The following DNAH6 variants were observed in gnomAD, a reference collection of about 807,000 sequenced individuals.
The protein encoded by DNAH6 is dynein axonemal heavy chain 6, also known as axonemal beta dynein heavy chain 6.
DNAH6 carries 340 observed loss-of-function variants against 491.4 expected under a neutral mutation model. The observed-to-expected ratio is 0.69, with a 90% CI of 0.63 to 0.76. The LOEUF (loss-of-function observed/expected upper bound fraction) is 0.76. Ranked by LOEUF, DNAH6 falls within the 30% of genes least tolerant of loss-of-function variation. The pLI, the probability that DNAH6 is intolerant of heterozygous loss-of-function variation, is 0.00. For missense variants in DNAH6, 4,443 were observed against 4,972.2 expected (o/e 0.89, Z 3.20); for synonymous variants, 1,603 against 1,686.1 (o/e 0.95, Z 1.21).
rs112896931 is a variant in DNAH6 at position 84,682,567 on chromosome 2, C to A, written c.6916+1039C>A. Among the ~76,000 whole-genome samples, 806 of 152,244 alleles carry A rather than the reference C, an allele frequency of 5.3e-3. 5 individuals are homozygous for A. Among genetic ancestry groups the A allele is most frequent in the African/African-American group, 0.018 (738 of 41,538 alleles). ...TTCTCAGTGTGCACCCTCAGGCATC[C>A]AGCTGGCCTGCTAAACTTGGCATGT... On this transcript the variant is annotated intron_variant, in intron 42 of 76. Coordinates refer to ENST00000389394, the MANE Select transcript of DNAH6 (RefSeq NM_001370.2).
intron 61 of DNAH6, 43 bp downstream of exon 61, chr2:84,727,945 G>A (rs142869142): frequency 1.6e-6 from 2 of 1,260,070 alleles, no homozygotes; most frequent in Non-Finnish European, 2.3e-6. Flanking sequence ...TGGTTTGGCT[G>A]TGTCCCCACC....
chr2:84,504,554 A>G, the DNAH6 span, among the ~76,000 whole-genome samples: 1 of 152,142 alleles, frequency 6.6e-6, no homozygotes, highest in African/African-American at 2.4e-5. Context: ...TCCTTCTTCA[A>G]AAGGCTTTCC....
intron 68 of DNAH6, among the ~76,000 whole-genome samples, chr2:84,790,356 G>A (rs1007253737): frequency 3.3e-5 from 5 of 152,070 alleles, no homozygotes; most frequent in African/African-American, 1.2e-4. Context: ...ACTGACTTCC[G>A]AGATATGACA....
intron 41 of DNAH6, among the ~76,000 whole-genome samples, chr2:84,680,007 T>A (rs1192171300): frequency 6.6e-6 from 1 of 152,198 alleles, no homozygotes; most frequent in Non-Finnish European, 1.5e-5. Flanking sequence ...ATCATACACA[T>A]ACAAATGGAC....
At chr2:84,543,591 C>G (rs1032583826) in intron 4 of DNAH6, among the ~76,000 whole-genome samples, 4 of 152,106 alleles carry the variant, frequency 2.6e-5, no homozygotes, top group Admixed American at 2.6e-4. Flanking sequence ...AGAATCGGCC[C>G]TATTTTCATT....
Position 84,579,510 on chromosome 2 carries a change from C to T in DNAH6, c.2077-17C>T, listed in dbSNP as rs199645905. 2.0e-4 allele frequency: 315 copies of T among 1,611,590 alleles called. 1 individual carries two copies. In the African/African-American group the frequency reaches 2.8e-3, roughly 14 times the overall value. ...AATATTCGACTATTTACAATTCACACGGTGTTTCTTTCTTAGGTGCTAAAT... is the reference window on the plus strand; with the variant it reads ...AATATTCGACTATTTACAATTCACATGGTGTTTCTTTCTTAGGTGCTAAAT... On this transcript the variant is annotated splice_polypyrimidine_tract_variant and intron_variant, in intron 13 of 76. Transcript: ENST00000389394.
At chr2:84,631,901 A>G (rs968380909) in intron 29 of DNAH6, among the ~76,000 whole-genome samples, 2 of 152,338 alleles carry the variant, frequency 1.3e-5, no homozygotes, top group Middle Eastern at 3.4e-3. Flanking sequence ...ACCCTTCCCC[A>G]GAATTTTCTA....
At chr2:84,728,794 C>T (rs564732493) in intron 61 of DNAH6, among the ~76,000 whole-genome samples, 36 of 152,110 alleles carry the variant, frequency 2.4e-4, no homozygotes, top group African/African-American at 8.4e-4. Flanking sequence ...GCTCTAGTCC[C>T]TTAAACTGGC....
At chr2:84,777,787 G>T in intron 64 of DNAH6, 1 of 1,015,082 alleles carries the variant, frequency 9.9e-7, no homozygotes, top group Non-Finnish European at 1.6e-6. Flanking sequence ...TACAGTTTTT[G>T]GGGAAGCCAC....
intron 73 of DNAH6, 68 bp from the exon 74 acceptor site, chr2:84,812,990 G>A: frequency 7.4e-6 from 10 of 1,343,800 alleles, no homozygotes; most frequent in South Asian, 1.3e-5. Context: ...TCCCCAAATA[G>A]GACTTTGCTT....
rs186025746 is a variant in DNAH6 at position 84,537,716 on chromosome 2, A to G, written c.663-6517A>G. On this transcript the variant is annotated intron_variant, in intron 4 of 76. Transcript: ENST00000389394. ...TGGTATAAAAGGACCCACTGTTGAT[A>G]TTAAAAAGTTCTCTCCCTAGTAGAT... 1.4e-3 allele frequency among the ~76,000 whole-genome samples: 206 copies of G among 152,192 alleles called. 2 individuals carry two copies. The highest frequency in any genetic ancestry group is 4.6e-3 in the African/African-American group (191 of 41,552).
intron 62 of DNAH6, among the ~76,000 whole-genome samples, chr2:84,740,902 G>A (rs952662169): frequency 1.3e-5 from 2 of 152,100 alleles, no homozygotes; most frequent in African/African-American, 2.4e-5. Context: ...TCTGCCTGTG[G>A]GGACCCTTCT....
In DNAH6 at chr2:84,709,557, A is replaced by G; in HGVS notation, c.9252+11A>G. On this transcript the variant is annotated intron_variant, in intron 55 of 76. Coordinates refer to ENST00000389394, the MANE Select transcript of DNAH6 (RefSeq NM_001370.2). ...GATCCCCAAGATCAGGTGTGTAGCA[A>G]ATGCTTAAGAGAGTGGCTTTTGGTT... 2.6e-6 allele frequency: 4 copies of G among 1,551,344 alleles called. No individual in the cohort carries two copies. The highest frequency in any genetic ancestry group is 2.6e-6 in the Non-Finnish European group (3 of 1,146,990).
chr2:84,642,616 C>G (rs1244183132), intron 33 of DNAH6, among the ~76,000 whole-genome samples: 1 of 151,180 alleles, frequency 6.6e-6, no homozygotes, highest in South Asian at 2.1e-4. Flanking sequence ...CTTTTTTTTC[C>G]TTTTTTGACT....
chr2:84,534,314 C>A (rs1024867494), intron 4 of DNAH6, among the ~76,000 whole-genome samples: 14 of 152,072 alleles, frequency 9.2e-5, no homozygotes, highest in Non-Finnish European at 2.1e-4. Flanking sequence ...GTGAAATTTT[C>A]TTTTTCTAAT....
At chr2:84,673,052 G>A (rs1226624704) in intron 40 of DNAH6, among the ~76,000 whole-genome samples, 1 of 152,168 alleles carries the variant, frequency 6.6e-6, no homozygotes. Flanking sequence ...AATGCAGAGT[G>A]GTGAGAGGGG....
intron 64 of DNAH6, among the ~76,000 whole-genome samples, chr2:84,765,776 C>T (rs1399054776): frequency 2.0e-5 from 3 of 151,904 alleles, no homozygotes; most frequent in Non-Finnish European, 4.4e-5. Flanking sequence ...TAAAAGTGAT[C>T]AAGTTAGATT....
At chr2:84,640,291 ATCTT>A (rs2104497685) in intron 31 of DNAH6, 135 bp from the exon 32 acceptor site, 1 of 611,768 alleles carries the variant, frequency 1.6e-6, no homozygotes, top group South Asian at 2.6e-5. Context: ...TTTCCCTTCA[ATCTT>A]TATGTTTCTT....
At chr2:84,573,675 G>T (rs1682128154) in intron 12 of DNAH6, 88 bp downstream of exon 12, 1 of 1,185,650 alleles carries the variant, frequency 8.4e-7, no homozygotes, top group South Asian at 2.0e-5. Flanking sequence ...GGTGTCTGGG[G>T]ACACAAATGG....
Sources: gnomAD v4.1 joint callset for allele counts (sites outside exome capture counted in the v4.1 genomes callset) on GRCh38, gnomAD v4.1.1 for gene constraint, MANE v1.5 for transcripts, NCBI Gene and HGNC (gene_info 2026-07-23, HGNC 2026-07-21) for gene names.